The following LATS2 variants were observed in gnomAD, a reference collection of about 807,000 sequenced individuals.
LATS2 encodes serine/threonine-protein kinase LATS2.
In LATS2, 24 loss-of-function variants were observed where a neutral mutation model predicts 76.0. That is an observed-to-expected ratio of 0.32 (90% confidence interval 0.23 to 0.44). The LOEUF is 0.44. Ranked by LOEUF, LATS2 falls within the 20% of genes least tolerant of loss-of-function variation. LATS2 has a pLI of 1.00. For synonymous variants in LATS2, 692 were observed against 635.4 expected, an observed-to-expected ratio of 1.09 and a Z score of -1.34; for missense variants, 1,286 against 1,481.2, an observed-to-expected ratio of 0.87 and a Z score of 2.16.
chr13:20,981,743 G>C, intron 5 of LATS2, 95 bp from the exon 6 acceptor site: 1 of 1,049,840 alleles, frequency 9.5e-7, no homozygotes, highest in Non-Finnish European at 1.4e-6. Flanking sequence ...GCTTAAAACA[G>C]CAAAGTCATT....
chr13:21,058,404 A>C (rs1873516111), intron 1 of LATS2, among the ~76,000 whole-genome samples: 1 of 152,226 alleles, frequency 6.6e-6, no homozygotes, highest in African/African-American at 2.4e-5. Context: ...TGGTCAATTT[A>C]TCAGCTTCAA....
intron 2 of LATS2, among the ~76,000 whole-genome samples, chr13:20,998,100 A>G (rs1040836602): frequency 1.3e-5 from 2 of 152,250 alleles, no homozygotes; most frequent in Middle Eastern, 6.8e-3. Flanking sequence ...GTTGTAGCTG[A>G]CGCCTGTAAT....
In LATS2 at chr13:20,975,348, T is replaced by C. The variant is rs185845417; in HGVS notation, c.2789A>G (p.Asn930Ser). ...CACCTGGGCTGGAATGTGGAGCGTG[T>C]TCTCCCAGTTGATCACCTGAGGAAA... ...ETQLKVINWENTLHIPAQVKL... is the reference protein window; with the variant it reads ...ETQLKVINWESTLHIPAQVKL... Residue 930 changes from asparagine to serine, a missense_variant, in exon 8 of 8, where the codon AAC (asparagine) becomes AGC (serine). By Grantham distance (46) the Asn-to-Ser change is conservative. Around this residue, in one of 5 missense-constraint regions of LATS2, gnomAD observed 210 missense variants for 234.9 expected, o/e 0.89. Transcript: ENST00000382592. 491 of 1,562,248 alleles carry C rather than the reference T, an allele frequency of 3.1e-4. 7 individuals carry two copies. The South Asian group carries it at 4.5e-3, about 14-fold the overall frequency.
intron 2 of LATS2, among the ~76,000 whole-genome samples, chr13:21,041,865 G>C (rs1461724028): frequency 1.3e-5 from 2 of 152,154 alleles, no homozygotes; most frequent in African/African-American, 4.8e-5. Flanking sequence ...CTATAATTAA[G>C]AACAGTGAGT....
chr13:21,052,438 C>T (rs1235602287), intron 1 of LATS2, among the ~76,000 whole-genome samples: 1 of 152,152 alleles, frequency 6.6e-6, no homozygotes, highest in Non-Finnish European at 1.5e-5. Context: ...GCAACCTCCA[C>T]CTTGTAGATT....
chr13:21,018,889 G>C (rs1263698695), intron 2 of LATS2, among the ~76,000 whole-genome samples: 1 of 152,070 alleles, frequency 6.6e-6, no homozygotes, highest in Admixed American at 6.6e-5. Flanking sequence ...CAAATAATCC[G>C]CCTGCCTTGG....
intron 1 of LATS2, among the ~76,000 whole-genome samples, chr13:21,046,513 G>C (rs1873082454): frequency 6.6e-6 from 1 of 152,168 alleles, no homozygotes; most frequent in Admixed American, 6.5e-5. Context: ...ACAACTGACA[G>C]CTCATTTAAA....
chr13:20,986,191 T>A (rs1282150262), intron 4 of LATS2, among the ~76,000 whole-genome samples: 7 of 152,170 alleles, frequency 4.6e-5, no homozygotes, highest in African/African-American at 1.7e-4. Flanking sequence ...TCTCCCCAGT[T>A]AGAACGACTA....
chr13:21,019,705 G>A (rs910730503), intron 2 of LATS2, among the ~76,000 whole-genome samples: 2 of 147,426 alleles, frequency 1.4e-5, no homozygotes, highest in African/African-American at 5.0e-5. Flanking sequence ...TGGGCGTGGT[G>A]GCTCATGCCT....
intron 4 of LATS2, among the ~76,000 whole-genome samples, chr13:20,985,266 TG>T (rs1334894423): frequency 2.6e-5 from 4 of 152,004 alleles, no homozygotes; most frequent in Non-Finnish European, 5.9e-5. Flanking sequence ...AGTAGACAAA[TG>T]GGACTATATT....
rs1384065215 is a variant in LATS2 at position 21,048,870 on chromosome 13, A to T, written c.-204-2640T>A. Among the ~76,000 whole-genome samples, 4 of 151,602 alleles carry T rather than the reference A, an allele frequency of 2.6e-5. No individual in the cohort carries two copies. In the East Asian group the frequency reaches 5.8e-4, roughly 22 times the overall value. The stretch of plus-strand genomic sequence containing the variant: ...AAAAAATAAAAATAAAAATAAAAAT[A>T]AAAAAAACCTACTGAATCTCAGGCA... On this transcript the variant is annotated intron_variant, in intron 1 of 7. Transcript: ENST00000382592.
chr13:21,047,739 C>G (rs1873123928), intron 1 of LATS2, among the ~76,000 whole-genome samples: 2 of 151,908 alleles, frequency 1.3e-5, no homozygotes, highest in African/African-American at 4.8e-5. Flanking sequence ...ATTCACCCAG[C>G]CTTACTATGT....
At position 20,991,221 on chromosome 13, in the gene LATS2, T is replaced by C. The variant is rs1245803809; in HGVS notation, c.475+51A>G. ...GACCCCTCTGCACGTGGTTTTGTTG[T>C]CCTTAAGCCACAAACCATCTTTGCC... On this transcript the variant is annotated intron_variant, in intron 3 of 7. Transcript: ENST00000382592. The surrounding 1 kb of genome is among the most constrained non-coding windows in gnomAD (Gnocchi z 4.9). The C allele has an allele frequency of 6.2e-7, 1 of 1,610,178 alleles. No homozygotes were observed.
At chr13:21,052,899 T>C (rs1873324032) in intron 1 of LATS2, among the ~76,000 whole-genome samples, 1 of 152,102 alleles carries the variant, frequency 6.6e-6, no homozygotes, top group Non-Finnish European at 1.5e-5. Context: ...GCACCGATGC[T>C]TCCTGTCCTC....
chr13:21,051,240 A>G (rs1391988299), intron 1 of LATS2, among the ~76,000 whole-genome samples: 1 of 152,218 alleles, frequency 6.6e-6, no homozygotes, highest in Non-Finnish European at 1.5e-5. Flanking sequence ...CAACCTGAAC[A>G]CCCACACAAG....
intron 2 of LATS2, among the ~76,000 whole-genome samples, chr13:21,028,046 C>T (rs1330011395): frequency 1.3e-5 from 2 of 152,044 alleles, no homozygotes; most frequent in African/African-American, 4.8e-5. Context: ...CGTCATTTAG[C>T]ATTAGGTATA....
chr13:21,001,649 A>G (rs1871043617), intron 2 of LATS2, among the ~76,000 whole-genome samples: 1 of 152,272 alleles, frequency 6.6e-6, no homozygotes, highest in South Asian at 2.1e-4. Flanking sequence ...AATGAGCTAC[A>G]TGGAACCCCA....
At chr13:20,996,377 A>ATTT (rs34278498) in intron 2 of LATS2, among the ~76,000 whole-genome samples, 7 of 136,820 alleles carry the variant, frequency 5.1e-5, no homozygotes, top group African/African-American at 8.3e-5. Context: ...GTGGTAGAAG[A>ATTT]TTTTTTTTTT....
intron 2 of LATS2, among the ~76,000 whole-genome samples, chr13:21,021,687 C>T (rs1224468828): frequency 6.6e-6 from 1 of 152,114 alleles, no homozygotes; most frequent in Non-Finnish European, 1.5e-5. Context: ...GGACACCTTC[C>T]CAACCACTGA....
Sources: allele counts gnomAD v4.1 joint callset (sites outside exome capture counted in the v4.1 genomes callset), GRCh38; gene constraint gnomAD v4.1.1; regional missense constraint gnomAD v4.1.1; non-coding constraint Gnocchi (gnomAD v3.1); transcripts MANE v1.5; gene names NCBI Gene and HGNC (gene_info 2026-07-23, HGNC 2026-07-21).